The following ABCA12 variants were observed in gnomAD, a reference collection of about 807,000 sequenced individuals.
ABCA12 encodes ATP binding cassette subfamily A member 12.
In ABCA12, 156 loss-of-function variants were observed where a neutral mutation model predicts 293.5. That is an observed-to-expected ratio of 0.53 (90% CI 0.47 to 0.61). The LOEUF is 0.61. Among genes scored for constraint, ABCA12 ranks in the 20% least tolerant of loss-of-function variants. ABCA12 has a pLI of 0.00. For synonymous variants in ABCA12, 1,063 were observed against 1,108.0 expected, an observed-to-expected ratio of 0.96 and a Z score of 0.81; for missense variants, 2,797 against 3,090.2, an observed-to-expected ratio of 0.91 and a Z score of 2.25.
chr2:215,010,220 T>G, intron 18 of ABCA12, 111 bp downstream of exon 18: 1 of 1,320,262 alleles, frequency 7.6e-7, no homozygotes. Flanking sequence ...AGGATAATAA[T>G]AATAGTAGGT....
Position 214,947,523 on chromosome 2 carries a change from T to A in ABCA12, c.7138A>T (p.Met2380Leu), listed in dbSNP as rs1559107105. The part of the protein sequence containing the change: ...VHKLLRRLHL[M>L]PFKDRATSMC... ...GAGGTAGCTCTGTCCTTGAAGGGCA[T>A]CAGGTGAAGTCTCCTAAGGAGTTTA... is the stretch of plus-strand genomic sequence containing the variant. The change falls in exon 48 of 53, where the codon ATG becomes TTG. Residue 2380 changes from methionine (M) to leucine (L), a missense_variant. By Grantham distance (15) the Met-to-Leu change is conservative. Transcript: ENST00000272895. 5 of 1,613,880 alleles carry A rather than the reference T, an allele frequency of 3.1e-6. No individual in the cohort carries two copies. The highest frequency in any genetic ancestry group is 4.2e-6 in the Non-Finnish European group (5 of 1,179,888).
At chr2:214,993,782 G>A (rs1417713537) in intron 23 of ABCA12, among the ~76,000 whole-genome samples, 3 of 152,140 alleles carry the variant, frequency 2.0e-5, no homozygotes, top group Non-Finnish European at 4.4e-5. Context: ...GTATAAACGT[G>A]TTTTTCTTCC....
At chr2:215,094,288 G>T (rs549411940) in intron 2 of ABCA12, among the ~76,000 whole-genome samples, 4 of 152,154 alleles carry the variant, frequency 2.6e-5, no homozygotes, top group Non-Finnish European at 5.9e-5. Context: ...GTACTTCACT[G>T]CAAAGGCCAT....
intron 50 of ABCA12, among the ~76,000 whole-genome samples, chr2:214,939,224 T>G (rs958516873): frequency 6.6e-6 from 1 of 152,222 alleles, no homozygotes; most frequent in East Asian, 1.9e-4. Flanking sequence ...TAGGGAATCT[T>G]TTCCCCATGG....
At chr2:215,104,136 C>A (rs1702415101) in intron 2 of ABCA12, among the ~76,000 whole-genome samples, 1 of 152,098 alleles carries the variant, frequency 6.6e-6, no homozygotes, top group African/African-American at 2.4e-5. Context: ...GGAGTAAAAA[C>A]CAGAAGACAT....
chr2:215,073,471 G>C (rs1331416044), intron 2 of ABCA12, among the ~76,000 whole-genome samples: 1 of 152,018 alleles, frequency 6.6e-6, no homozygotes, highest in Non-Finnish European at 1.5e-5. Flanking sequence ...AGCTGGGTAC[G>C]CATACACTGG....
In ABCA12 at chr2:214,983,850, C is replaced by T; in HGVS notation, c.4179G>A (p.Gly1393=). 6.2e-7 allele frequency: 1 copy of T among 1,613,782 alleles called. No individual in the cohort carries two copies. Among genetic ancestry groups the T allele is most frequent in the Non-Finnish European group, 8.5e-7 (1 of 1,179,938 alleles). ...TGGTGCCTGCTGAGGCCCCAAACAG[C>T]CCAGTTAACATGGAACTGGAAATGA... ...GKTTTISMLT[G]LFGASAGTIF... is the part of the protein sequence containing the mutation. The change falls in exon 29 of 53, where the codon GGG becomes GGA. Residue 1393 remains glycine (G), a synonymous_variant. Coordinates refer to ENST00000272895, the MANE Select transcript of ABCA12 (RefSeq NM_173076.3).
At position 214,953,897 on chromosome 2, in the gene ABCA12, A is replaced by C. The variant is rs776770580; in HGVS notation, c.6604T>G (p.Ser2202Ala). The change falls in exon 44 of 53, where the codon TCC becomes GCC. Residue 2202 changes from serine to alanine, a missense_variant. Physicochemically the swap from Ser to Ala is moderately conservative, Grantham distance 99. This residue lies in a region of ABCA12 where 2,130 missense variants were observed against 2,427.0 expected (regional missense o/e 0.88). Transcript: ENST00000272895. Reference protein sequence around the residue: ...ALVSQGTMFFSLRLLINESLI... With the variant: ...ALVSQGTMFFALRLLINESLI... Reference sequence around the variant, plus strand: ...GATTCGTTGATTAAGAGTCGCAAGGAAAAAAACATGGTGCCCTGAGAAACC... The same window carrying C: ...GATTCGTTGATTAAGAGTCGCAAGGCAAAAAACATGGTGCCCTGAGAAACC... 3 of 1,613,856 alleles carry C rather than the reference A, an allele frequency of 1.9e-6. No individual in the cohort carries two copies. Among genetic ancestry groups the C allele is most frequent in the African/African-American group, 2.7e-5 (2 of 74,916 alleles).
At chr2:214,953,832 G>T (rs769245351) in intron 44 of ABCA12, 22 bp downstream of exon 44, 1 of 1,610,934 alleles carries the variant, frequency 6.2e-7, no homozygotes, top group Non-Finnish European at 8.5e-7. Flanking sequence ...GATGTCAAAC[G>T]TTATGTTTTC....
chr2:215,048,011 C>T (rs1453576153), intron 6 of ABCA12, among the ~76,000 whole-genome samples: 1 of 150,434 alleles, frequency 6.6e-6, no homozygotes, highest in Non-Finnish European at 1.5e-5. Flanking sequence ...GGGCAAAGGA[C>T]ATGAACAGAT....
chr2:215,037,960 C>G (rs901921549), intron 7 of ABCA12, among the ~76,000 whole-genome samples: 2 of 151,802 alleles, frequency 1.3e-5, no homozygotes, highest in African/African-American at 4.8e-5. Context: ...GTAATTTTTC[C>G]CTATCTAGTT....
chr2:215,099,934 C>T lies in ABCA12; in HGVS notation c.163+11663G>A, dbSNP rs1702320963. 3.9e-5 allele frequency among the ~76,000 whole-genome samples: 6 copies of T among 151,920 alleles called. No homozygotes were observed. In the South Asian group the frequency reaches 1.2e-3, roughly 32 times the overall value. On this transcript the variant is annotated intron_variant, in intron 2 of 52. Transcript: ENST00000272895. ...AACTCTTCACAGACTTCCAATGTTT[C>T]CATTACTACAGGATAAAATCTAGAC...
intron 2 of ABCA12, among the ~76,000 whole-genome samples, chr2:215,070,630 C>T (rs1035699277): frequency 3.5e-5 from 5 of 143,760 alleles, no homozygotes; most frequent in African/African-American, 7.8e-5. Flanking sequence ...TGAGAACATG[C>T]GGTGTTTGTT....
intron 15 of ABCA12, among the ~76,000 whole-genome samples, chr2:215,014,792 T>C (rs932029218): frequency 2.6e-5 from 4 of 152,236 alleles, no homozygotes; most frequent in African/African-American, 4.8e-5. Flanking sequence ...TCCTTTTGGT[T>C]GTGTTTACTA....
intron 50 of ABCA12, 147 bp from the exon 51 acceptor site, chr2:214,937,762 G>A: frequency 3.1e-6 from 2 of 649,668 alleles, no homozygotes; most frequent in Non-Finnish European, 5.5e-6. Context: ...TAAAAGTTCA[G>A]GACATGTTGC....
rs1422419093 is a variant in ABCA12, at chr2:215,049,813, T to C, written c.508-2A>G. 1.9e-6 allele frequency: 3 copies of C among 1,609,630 alleles called. No homozygotes were observed. The highest frequency in any genetic ancestry group is 2.5e-6 in the Non-Finnish European group (3 of 1,177,272). ...TGAAGTTGAATTTTGCTTTAACAGCTAAAAGCATGTGTGAAAAGAGTAAAA... is the reference window on the plus strand; with the variant it reads ...TGAAGTTGAATTTTGCTTTAACAGCCAAAAGCATGTGTGAAAAGAGTAAAA... On this transcript the variant is annotated splice_acceptor_variant, in intron 5 of 52. Coordinates refer to ENST00000272895, the MANE Select transcript of ABCA12 (RefSeq NM_173076.3). LOFTEE classifies it high-confidence loss of function.
intron 2 of ABCA12, among the ~76,000 whole-genome samples, chr2:215,064,863 T>G (rs559746912): frequency 6.6e-6 from 1 of 152,040 alleles, no homozygotes; most frequent in Non-Finnish European, 1.5e-5. Flanking sequence ...ACAATTTACA[T>G]GTCTTCTTTT....
chr2:215,052,968 A>G (rs929723292), intron 4 of ABCA12, among the ~76,000 whole-genome samples: 16 of 152,210 alleles, frequency 1.1e-4, no homozygotes, highest in African/African-American at 3.4e-4. Flanking sequence ...CATCTGTTCA[A>G]AGGATCTGCC....
chr2:215,093,469 C>G (rs1398029810), intron 2 of ABCA12, among the ~76,000 whole-genome samples: 1 of 152,168 alleles, frequency 6.6e-6, no homozygotes, highest in Non-Finnish European at 1.5e-5. Context: ...TAACTCATCC[C>G]AACTCTTTTT....
Sources: allele counts gnomAD v4.1 joint callset (sites outside exome capture counted in the v4.1 genomes callset), GRCh38; gene constraint gnomAD v4.1.1; regional missense constraint gnomAD v4.1.1; transcripts MANE v1.5; gene names NCBI Gene and HGNC (gene_info 2026-07-23, HGNC 2026-07-21).